The following FANCA variants were observed in gnomAD, a reference collection of about 807,000 sequenced individuals.
The protein encoded by FANCA is FA complementation group A, also known as Fanconi anemia group A protein.
A neutral mutation model predicts 194.3 loss-of-function variants in FANCA; 236 were observed. That is an observed-to-expected ratio of 1.21 (90% CI 1.09 to 1.35). The LOEUF is 1.35. FANCA is among the 40% of genes most tolerant of loss of function. The probability of loss-of-function intolerance (pLI) is 0.00; values close to 1 mark genes in which losing one functional copy is unlikely to be tolerated. For missense variants in FANCA, 2,628 were observed against 1,813.9 expected (o/e 1.45, Z -8.15); for synonymous variants, 1,014 against 715.8 (o/e 1.42, Z -6.65).
chr16:89,763,907 T>G (rs1598100168), intron 28 of FANCA, among the ~76,000 whole-genome samples: 3 of 103,012 alleles, frequency 2.9e-5, no homozygotes, highest in African/African-American at 4.1e-5. Context: ...TGCCCCAGAG[T>G]AAGACTCCAC....
At position 89,758,696 on chromosome 16, in the gene FANCA, G is replaced by C. The variant is rs2038844439; in HGVS notation, c.2862C>G (p.Phe954Leu). 2 of 1,613,740 alleles carry C rather than the reference G, an allele frequency of 1.2e-6. No homozygotes were observed. Among genetic ancestry groups the C allele is most frequent in the Admixed American group, 1.7e-5 (1 of 59,996 alleles). The change falls in exon 30 of 43, where the codon TTC becomes TTG. Residue 954 changes from phenylalanine to leucine, a missense_variant. Coordinates refer to ENST00000389301, the MANE Select transcript of FANCA (RefSeq NM_000135.4). ...AGTGCTCATGGATCGCCCACTGGTG[G>C]AAGTCCTGCCTAGAACAGCAAACAC... ...DALSDTERQD[F>L]HQWAIHEHFL...
chr16:89,804,701 TG>T (rs1441921903), intron 7 of FANCA, among the ~76,000 whole-genome samples: 1 of 152,134 alleles, frequency 6.6e-6, no homozygotes, highest in East Asian at 1.9e-4. Context: ...TCTTAGTTTG[TG>T]GGGGGACATT....
chr16:89,815,889 G>A lies in FANCA; in HGVS notation c.177C>T (p.Ala59=), dbSNP rs1439661268. Residue 59 remains alanine, a synonymous_variant, in exon 2 of 43, where the codon GCC becomes GCT. Transcript: ENST00000389301. ...AGCTTCCTCTTACCTCAAGCAAAAG[G>A]GCATTCAGGTCCTGATGGCTTCGCA... ...RLLRSHQDLN[A]LLLEVEGPLC... The A allele has an allele frequency of 1.1e-5, 18 of 1,612,878 alleles. No individual in the cohort carries two copies. Among genetic ancestry groups the A allele is most frequent in the African/African-American group, 2.7e-5 (2 of 74,906 alleles).
At chr16:89,802,257 C>T (rs1013310626) in intron 8 of FANCA, among the ~76,000 whole-genome samples, 1 of 150,882 alleles carries the variant, frequency 6.6e-6, no homozygotes, top group Non-Finnish European at 1.5e-5. Flanking sequence ...TGTGCCACCA[C>T]GCCCGGCTAT....
At chr16:89,778,627 TAAA>T (rs397693835) in intron 20 of FANCA, among the ~76,000 whole-genome samples, 171 bp downstream of exon 20, 107 of 29,892 alleles carry the variant, frequency 3.6e-3, no homozygotes, top group African/African-American at 0.013. Flanking sequence ...AGACTCCAAC[TAAA>T]AAAAAAAAAA....
At chr16:89,740,950 T>C (rs1268638202) in intron 37 of FANCA, 84 bp from the exon 38 acceptor site, 6 of 1,273,894 alleles carry the variant, frequency 4.7e-6, no homozygotes, top group African/African-American at 1.5e-5. Flanking sequence ...TCCTCTTTAA[T>C]TGAAATTTTT....
In FANCA at chr16:89,808,312, A is replaced by G; in HGVS notation, c.578T>C (p.Leu193Pro). The G allele has an allele frequency of 1.2e-6, 2 of 1,614,146 alleles. No homozygotes were observed. Among genetic ancestry groups the G allele is most frequent in the Non-Finnish European group, 1.7e-6 (2 of 1,179,980 alleles). Residue 193 changes from leucine (L) to proline (P), a missense_variant, in exon 6 of 43, where the codon CTG (leucine) becomes CCG (proline). Leu to Pro is a moderately conservative substitution (Grantham distance 98). Transcript: ENST00000389301. ...ACGCTACCTTTCCAGCAGCTCTTGC[A>G]GGCTCACAATGCCTTGTACGTGAAG... ...WHLHVQGIVS[L>P]QELLESHPDM... is the part of the protein sequence containing the mutation.
intron 25 of FANCA, 64 bp from the exon 26 acceptor site, chr16:89,770,088 C>T: frequency 1.3e-6 from 2 of 1,587,362 alleles, no homozygotes; most frequent in Non-Finnish European, 1.7e-6. Context: ...TTCCAGGGCA[C>T]TGAAGACGAA....
Position 89,767,131 on chromosome 16 carries a change from G to A in FANCA, c.2601+10C>T. ...GGCAGAATGGAAAAATAGGAAAAGA[G>A]TGAACCTACCTTTTTAATAAGGCCT... On this transcript the variant is annotated intron_variant, in intron 27 of 42. Transcript: ENST00000389301. 2 of 1,598,026 alleles carry A rather than the reference G, an allele frequency of 1.3e-6. No homozygotes were observed. The highest frequency in any genetic ancestry group is 1.7e-6 in the Non-Finnish European group (2 of 1,165,450).
intron 42 of FANCA, 78 bp from the exon 43 acceptor site, chr16:89,738,786 A>G: frequency 1.9e-6 from 3 of 1,613,120 alleles, no homozygotes; most frequent in Non-Finnish European, 2.5e-6. Flanking sequence ...TGGCAGAAAT[A>G]GTCGAGTTGT....
rs965003431 is a variant in FANCA, at chr16:89,816,445, G to C, written c.79+92C>G. 1.3e-5 allele frequency: 15 copies of C among 1,181,052 alleles called. No homozygotes were observed. In the Admixed American group the frequency reaches 4.6e-4, roughly 37 times the overall value. The allele number at this position is 1,181,052 out of a possible 1,614,324, so 73.2% of individuals were successfully genotyped here. On this transcript the variant is annotated intron_variant, in intron 1 of 42. Coordinates refer to ENST00000389301, the MANE Select transcript of FANCA (RefSeq NM_000135.4). ...GGGCGCGGCGTCCGGGGATCCGACC[G>C]GCGGAGGCTCTGGCGGGAAGGGATC...
intron 11 of FANCA, among the ~76,000 whole-genome samples, chr16:89,793,699 G>C (rs2040153195): frequency 6.6e-6 from 1 of 151,758 alleles, no homozygotes; most frequent in African/African-American, 2.4e-5. Flanking sequence ...ACCTGCCTCA[G>C]TCTCCCAAGT....
At chr16:89,745,163 G>A in intron 35 of FANCA, 92 bp from the exon 36 acceptor site, 1 of 1,158,666 alleles carries the variant, frequency 8.6e-7, no homozygotes, top group Admixed American at 2.0e-5. Context: ...TGCTCCTACA[G>A]GCCACTACAG....
At position 89,742,728 on chromosome 16, in the gene FANCA, G is replaced by T. The variant is rs1450028982; in HGVS notation, c.3765+72C>A. The T allele has an allele frequency of 5.5e-6, 8 of 1,444,012 alleles. No homozygotes were observed. In the Admixed American group the frequency reaches 1.1e-4, roughly 19 times the overall value. 89.4% of individuals were successfully genotyped at this position (1,444,012 alleles called of 1,614,324 possible). ...TTTAGAAAAACAGTTCATCAGACAA[G>T]CCCAGAGAAATAGCACTGATTGAAA... On this transcript the variant is annotated intron_variant, in intron 37 of 42. Coordinates refer to ENST00000389301, the MANE Select transcript of FANCA (RefSeq NM_000135.4).
chr16:89,758,183 T>C (rs2038826479), intron 30 of FANCA, among the ~76,000 whole-genome samples: 1 of 152,222 alleles, frequency 6.6e-6, no homozygotes, highest in Non-Finnish European at 1.5e-5. Context: ...GACAAGTCTA[T>C]ACACATAAAG....
chr16:89,806,315 G>C (rs990370974), intron 6 of FANCA, among the ~76,000 whole-genome samples: 1 of 150,346 alleles, frequency 6.7e-6, no homozygotes, highest in Admixed American at 6.6e-5. Flanking sequence ...AGTCAGGTCA[G>C]CTGGTTTGCA....
intron 1 of FANCA, 58 bp from the exon 2 acceptor site, chr16:89,816,044 GC>G (rs769077508): frequency 1.4e-4 from 193 of 1,336,138 alleles, no homozygotes; most frequent in Middle Eastern, 1.8e-4. Flanking sequence ...GGGGTCCCCG[GC>G]CCGACGCGCA....
rs1598177104 is a variant in FANCA at position 89,805,302 on chromosome 16, G to A, written c.687C>T (p.Asp229=). ...CACCAGAAAGCATGGCCCTGGCGAC[G>A]TCAGCATGCTGGCAGGATGCTTCCA... ...EQMEASCQHA[D]VARAMLSDFV... is the part of the protein sequence containing the mutation. Residue 229 remains aspartate (D), a synonymous_variant, in exon 7 of 43, where the codon GAC becomes GAT. Coordinates refer to ENST00000389301, the MANE Select transcript of FANCA (RefSeq NM_000135.4). The A allele has an allele frequency of 5.0e-6, 8 of 1,613,700 alleles. No individual in the cohort carries two copies. Among genetic ancestry groups the A allele is most frequent in the African/African-American group, 2.7e-5 (2 of 74,906 alleles).
rs2040114145 is a variant in FANCA, at chr16:89,792,619, C to T, written c.1007-72G>A. The T allele has an allele frequency of 3.7e-6, 5 of 1,368,602 alleles. No homozygotes were observed. In the Admixed American group the frequency reaches 5.4e-5, roughly 15 times the overall value. The allele number at this position is 1,368,602 out of a possible 1,614,324, so 84.8% of individuals were successfully genotyped here. On this transcript the variant is annotated intron_variant, in intron 11 of 42. Coordinates refer to ENST00000389301, the MANE Select transcript of FANCA (RefSeq NM_000135.4). ...GTTGTGGGTTTTTGTTAAGGACCAG[C>T]CCCACAGGGTCGGTGGGTCTCTCCC...
Sources: gnomAD v4.1 joint callset for allele counts (sites outside exome capture counted in the v4.1 genomes callset) on GRCh38, gnomAD v4.1.1 for gene constraint, MANE v1.5 for transcripts, NCBI Gene and HGNC (gene_info 2026-07-23, HGNC 2026-07-21) for gene names.